ST6GALNAC3: variants seen among roughly 807,000 people sequenced by gnomAD.
ST6GALNAC3 encodes alpha-N-acetylgalactosaminide alpha-2,6-sialyltransferase 3.
Under a neutral mutation model 32.7 loss-of-function variants are expected in ST6GALNAC3, and 25 were observed. The ratio of observed to expected loss-of-function variants is 0.76; its 90% CI spans 0.56 to 1.07. ST6GALNAC3 has a LOEUF of 1.07. Ranked by LOEUF, ST6GALNAC3 falls within the 50% of genes least tolerant of loss-of-function variation. ST6GALNAC3 has a pLI of 0.00. For synonymous variants in ST6GALNAC3, 129 were observed against 133.1 expected (o/e 0.97, Z 0.21); for missense variants, 355 against 382.4 (o/e 0.93, Z 0.60).
intron 3 of ST6GALNAC3, among the ~76,000 whole-genome samples, chr1:76,503,934 C>A (rs1466451393): frequency 6.6e-6 from 1 of 152,148 alleles, no homozygotes; most frequent in Non-Finnish European, 1.5e-5. Context: ...CATTCTTCCC[C>A]AGGCAACCAC....
chr1:76,196,590 C>G (rs938585015), intron 1 of ST6GALNAC3, among the ~76,000 whole-genome samples: 1 of 151,874 alleles, frequency 6.6e-6, no homozygotes, highest in African/African-American at 2.4e-5. Context: ...GTCAGCCTCT[C>G]GAGTAGCTGG....
intron 3 of ST6GALNAC3, among the ~76,000 whole-genome samples, chr1:76,452,810 G>C (rs1285178107): frequency 6.6e-6 from 1 of 152,096 alleles, no homozygotes; most frequent in Non-Finnish European, 1.5e-5. Flanking sequence ...ACTTAGGGAG[G>C]ATTCTCTCTT....
At chr1:76,209,805 C>T (rs1478442171) in intron 1 of ST6GALNAC3, among the ~76,000 whole-genome samples, 1 of 152,180 alleles carries the variant, frequency 6.6e-6, no homozygotes, top group East Asian at 1.9e-4. Context: ...CTGATTTCAG[C>T]CTCTGTGCAG....
intron 2 of ST6GALNAC3, among the ~76,000 whole-genome samples, chr1:76,329,979 T>C (rs1360145962): frequency 6.6e-6 from 1 of 151,546 alleles, no homozygotes; most frequent in Non-Finnish European, 1.5e-5. Flanking sequence ...CAGCTAATTT[T>C]TGTATTTTCA....
At chr1:76,575,695 A>G (rs1646791961) in intron 3 of ST6GALNAC3, among the ~76,000 whole-genome samples, 1 of 152,042 alleles carries the variant, frequency 6.6e-6, no homozygotes, top group Non-Finnish European at 1.5e-5. Flanking sequence ...GAAAAGGTGA[A>G]ATGGTGTATT....
intron 2 of ST6GALNAC3, among the ~76,000 whole-genome samples, chr1:76,351,493 A>G (rs1031318317): frequency 2.6e-5 from 4 of 152,066 alleles, no homozygotes; most frequent in African/African-American, 9.7e-5. Context: ...CTTTAAAACT[A>G]CTATAACTTT....
At chr1:76,185,342 C>A (rs952426534) in intron 1 of ST6GALNAC3, among the ~76,000 whole-genome samples, 1 of 152,128 alleles carries the variant, frequency 6.6e-6, no homozygotes, top group African/African-American at 2.4e-5. Flanking sequence ...AACACATGCA[C>A]CATTTTATTG....
chr1:76,105,891 A>G (rs781173327), intron 1 of ST6GALNAC3, among the ~76,000 whole-genome samples: 1 of 152,156 alleles, frequency 6.6e-6, no homozygotes, highest in Non-Finnish European at 1.5e-5. Flanking sequence ...AACTGGAACG[A>G]TTAGCTTTTT....
chr1:76,201,572 G>T (rs912913778), intron 1 of ST6GALNAC3, among the ~76,000 whole-genome samples: 1 of 152,072 alleles, frequency 6.6e-6, no homozygotes, highest in African/African-American at 2.4e-5. Context: ...ACAACTGTTT[G>T]CAGTCTTCTG....
intron 1 of ST6GALNAC3, among the ~76,000 whole-genome samples, chr1:76,091,365 C>T (rs10493582): frequency 0.079 from 11,975 of 152,250 alleles, 599 homozygotes; most frequent in Middle Eastern, 0.19. Context: ...CTTTCTCATG[C>T]GGATGAACAG....
At chr1:76,176,567 C>A (rs1490451788) in intron 1 of ST6GALNAC3, among the ~76,000 whole-genome samples, 1 of 152,184 alleles carries the variant, frequency 6.6e-6, no homozygotes, top group African/African-American at 2.4e-5. Context: ...ATTGATCACC[C>A]ACCAGCATTA....
At chr1:76,298,321 G>A (rs1660528701) in intron 1 of ST6GALNAC3, among the ~76,000 whole-genome samples, 1 of 151,982 alleles carries the variant, frequency 6.6e-6, no homozygotes, top group Non-Finnish European at 1.5e-5. Context: ...GGTATATACT[G>A]AACAAGAATC....
chr1:76,458,851 T>A (rs1251634164), intron 3 of ST6GALNAC3, among the ~76,000 whole-genome samples: 3 of 151,516 alleles, frequency 2.0e-5, no homozygotes, highest in Admixed American at 6.6e-5. Flanking sequence ...AACCTGCACA[T>A]TGTGCACATG....
chr1:76,148,402 G>C (rs1319422234), intron 1 of ST6GALNAC3, among the ~76,000 whole-genome samples: 1 of 151,950 alleles, frequency 6.6e-6, no homozygotes, highest in Non-Finnish European at 1.5e-5. Context: ...TTTCTTTTTG[G>C]GTTTTCATGT....
intron 3 of ST6GALNAC3, among the ~76,000 whole-genome samples, chr1:76,554,051 C>G (rs757613587): frequency 1.3e-5 from 2 of 152,106 alleles, no homozygotes; most frequent in Non-Finnish European, 2.9e-5. Context: ...TATTTGTGAA[C>G]CAAATTTCTT....
At chr1:76,224,997 T>G (rs1395256570) in intron 1 of ST6GALNAC3, among the ~76,000 whole-genome samples, 1 of 152,098 alleles carries the variant, frequency 6.6e-6, no homozygotes, top group African/African-American at 2.4e-5. Context: ...CCTAGGCAGA[T>G]GGATGCTTCC....
intron 1 of ST6GALNAC3, among the ~76,000 whole-genome samples, chr1:76,229,263 A>C (rs1280010965): frequency 6.6e-6 from 1 of 152,184 alleles, no homozygotes; most frequent in South Asian, 2.1e-4. Context: ...ATTGACCTCA[A>C]GTGGCCAGGA....
At chr1:76,279,633 T>C (rs1262040310) in intron 1 of ST6GALNAC3, among the ~76,000 whole-genome samples, 1 of 152,170 alleles carries the variant, frequency 6.6e-6, no homozygotes, top group African/African-American at 2.4e-5. Flanking sequence ...AGAGCTGCAG[T>C]GCCTGGAGTC....
intron 3 of ST6GALNAC3, among the ~76,000 whole-genome samples, chr1:76,430,951 C>T (rs978294490): frequency 2.0e-5 from 3 of 152,086 alleles, no homozygotes; most frequent in African/African-American, 7.2e-5. Flanking sequence ...CGTGTAAAGC[C>T]TCTTGGTAGA....
Sources: gnomAD v4.1 joint callset for allele counts (sites outside exome capture counted in the v4.1 genomes callset) on GRCh38, gnomAD v4.1.1 for gene constraint, MANE v1.5 for transcripts, NCBI Gene and HGNC (gene_info 2026-07-23, HGNC 2026-07-21) for gene names.